The following MARCHF11 variants were observed in gnomAD, a reference collection of about 807,000 sequenced individuals.
MARCHF11 encodes the protein E3 ubiquitin-protein ligase MARCHF11.
Under a neutral mutation model 37.3 loss-of-function variants are expected in MARCHF11, and 29 were observed. That is an observed-to-expected ratio of 0.78 (90% CI 0.58 to 1.06). The LOEUF (loss-of-function observed/expected upper bound fraction) is 1.06. Among genes scored for constraint, MARCHF11 ranks in the 50% least tolerant of loss-of-function variants. MARCHF11 has a pLI of 0.00. For synonymous variants in MARCHF11, 233 were observed against 228.0 expected, an observed-to-expected ratio of 1.02 and a Z score of -0.20; for missense variants, 482 against 533.4, an observed-to-expected ratio of 0.90 and a Z score of 0.95.
intron 2 of MARCHF11, among the ~76,000 whole-genome samples, chr5:16,115,747 C>A (rs1440867265): frequency 6.6e-6 from 1 of 151,882 alleles, no homozygotes; most frequent in African/African-American, 2.4e-5. Flanking sequence ...CCTGCCTCAG[C>A]CTCCCAAGTA....
chr5:16,132,716 C>T (rs1232980060), intron 2 of MARCHF11, among the ~76,000 whole-genome samples: 1 of 151,958 alleles, frequency 6.6e-6, no homozygotes, highest in African/African-American at 2.4e-5. Flanking sequence ...TGGAAAACTT[C>T]TTGGAAATCT....
chr5:16,116,736 T>C (rs894479106), intron 2 of MARCHF11, among the ~76,000 whole-genome samples: 5 of 152,212 alleles, frequency 3.3e-5, no homozygotes, highest in African/African-American at 1.2e-4. Context: ...CATACAATGA[T>C]GAACAGCTGC....
chr5:16,070,365 CG>C (rs1399412662), intron 3 of MARCHF11, among the ~76,000 whole-genome samples: 243 of 152,190 alleles, frequency 1.6e-3, no homozygotes, highest in African/African-American at 5.8e-3. Context: ...TCTTCTGGGA[CG>C]GTAACTCTAT....
intron 2 of MARCHF11, among the ~76,000 whole-genome samples, chr5:16,167,590 A>G (rs967915850): frequency 2.6e-5 from 4 of 152,098 alleles, no homozygotes; most frequent in Admixed American, 6.5e-5. Context: ...TCATCTGCCC[A>G]GAAACACTTT....
Position 16,167,693 on chromosome 5 carries a change from T to G in MARCHF11, c.693+10033A>C, listed in dbSNP as rs186175185. Among the ~76,000 whole-genome samples, 185 of 152,220 alleles carry G rather than the reference T, an allele frequency of 1.2e-3. 1 individual carries two copies. Among genetic ancestry groups the G allele is most frequent in the Middle Eastern group, 6.8e-3 (2 of 294 alleles). On this transcript the variant is annotated intron_variant, in intron 2 of 3. Coordinates refer to ENST00000332432, the MANE Select transcript of MARCHF11 (RefSeq NM_001102562.3). The stretch of plus-strand genomic sequence containing the variant: ...CACACCCAGTTTATTTCCATTAGCA[T>G]CATTAACGCAATCTATAATTAACTA...
At chr5:16,155,101 A>G (rs1483051098) in intron 2 of MARCHF11, among the ~76,000 whole-genome samples, 1 of 151,942 alleles carries the variant, frequency 6.6e-6, no homozygotes, top group Non-Finnish European at 1.5e-5. Flanking sequence ...CTGTTAGATA[A>G]CTGTTAAATT....
chr5:16,128,125 A>G (rs17649190), intron 2 of MARCHF11, among the ~76,000 whole-genome samples: 28,204 of 152,074 alleles, frequency 0.19, 2,763 homozygotes, highest in East Asian at 0.3. Context: ...TGAGGGTTCC[A>G]TCTGCTTCCT....
intron 2 of MARCHF11, among the ~76,000 whole-genome samples, chr5:16,105,576 C>A (rs1320461529): frequency 6.6e-6 from 1 of 152,156 alleles, no homozygotes; most frequent in East Asian, 1.9e-4. Flanking sequence ...GATACCCCAG[C>A]CCTGGCCAGA....
intron 2 of MARCHF11, among the ~76,000 whole-genome samples, chr5:16,166,133 T>A (rs1238724353): frequency 6.6e-6 from 1 of 152,144 alleles, no homozygotes; most frequent in Admixed American, 6.6e-5. Flanking sequence ...CACTGGCGGT[T>A]CTTCCAGGTT....
At chr5:16,103,111 GA>G (rs746011063) in intron 2 of MARCHF11, among the ~76,000 whole-genome samples, 20 of 135,666 alleles carry the variant, frequency 1.5e-4, no homozygotes, top group East Asian at 6.4e-4. Context: ...TGCCCAGGCA[GA>G]AAAAAAAAAA....
chr5:16,161,157 G>A (rs1738070663), intron 2 of MARCHF11, among the ~76,000 whole-genome samples: 1 of 151,282 alleles, frequency 6.6e-6, no homozygotes, highest in African/African-American at 2.4e-5. Context: ...TTTACATTGG[G>A]TGTATCTCCT....
In MARCHF11 at chr5:16,088,229, C is replaced by T. The variant is rs181022040; in HGVS notation, c.886+2660G>A. 7.2e-5 allele frequency among the ~76,000 whole-genome samples: 11 copies of T among 152,314 alleles called. No individual in the cohort carries two copies. In the East Asian group the frequency reaches 1.9e-3, roughly 27 times the overall value. ...CGCAGAGTTCATCCCTCCTGGTGTT[C>T]AACTACCCCTTCCTGTGCATACGTC... On this transcript the variant is annotated intron_variant, in intron 3 of 3. Coordinates refer to ENST00000332432, the MANE Select transcript of MARCHF11 (RefSeq NM_001102562.3).
intron 3 of MARCHF11, among the ~76,000 whole-genome samples, chr5:16,086,382 A>G (rs977954898): frequency 1.3e-5 from 2 of 152,184 alleles, no homozygotes; most frequent in African/African-American, 4.8e-5. Context: ...AACTTTATAG[A>G]TTTCACAATT....
chr5:16,067,886 TTA>T (rs546268391), intron 3 of MARCHF11, 93 bp from the exon 4 acceptor site: 133 of 1,125,040 alleles, frequency 1.2e-4, no homozygotes, highest in Admixed American at 1.1e-3. Flanking sequence ...CCAAAAATAG[TTA>T]TGTTATTCAT....
At chr5:16,153,855 T>C (rs1737927009) in intron 2 of MARCHF11, among the ~76,000 whole-genome samples, 1 of 151,978 alleles carries the variant, frequency 6.6e-6, no homozygotes, top group African/African-American at 2.4e-5. Context: ...CTGCAACTTC[T>C]GAGAAATAAC....
intron 3 of MARCHF11, among the ~76,000 whole-genome samples, chr5:16,074,308 GAATA>G (rs1294310650): frequency 6.6e-6 from 1 of 152,036 alleles, no homozygotes; most frequent in African/African-American, 2.4e-5. Context: ...GTCTGAAAGA[GAATA>G]AATAGACAAT....
chr5:16,163,581 T>C (rs1738122282), intron 2 of MARCHF11, among the ~76,000 whole-genome samples: 1 of 152,044 alleles, frequency 6.6e-6, no homozygotes, highest in Non-Finnish European at 1.5e-5. Context: ...GCACACTTTA[T>C]ATGCAAAAAT....
chr5:16,075,087 C>T (rs1159030158), intron 3 of MARCHF11, among the ~76,000 whole-genome samples: 1 of 152,200 alleles, frequency 6.6e-6, no homozygotes, highest in Non-Finnish European at 1.5e-5. Context: ...ATGAAGCACA[C>T]CCTTTTCTGA....
chr5:16,109,035 G>T (rs983217293), intron 2 of MARCHF11, among the ~76,000 whole-genome samples: 4 of 151,512 alleles, frequency 2.6e-5, no homozygotes, highest in Admixed American at 2.6e-4. Context: ...TTCCTTATCT[G>T]CAAAATAGGG....
Sources: allele counts gnomAD v4.1 joint callset (sites outside exome capture counted in the v4.1 genomes callset), GRCh38; gene constraint gnomAD v4.1.1; transcripts MANE v1.5; gene names NCBI Gene and HGNC (gene_info 2026-07-23, HGNC 2026-07-21).